CASC3: variants seen among roughly 807,000 people sequenced by gnomAD.
The protein encoded by CASC3 is protein CASC3.
In CASC3, 30 loss-of-function variants were observed where a neutral mutation model predicts 80.5. The observed-to-expected ratio is 0.37, with a 90% CI of 0.28 to 0.51. CASC3 has a LOEUF of 0.51. Among genes scored for constraint, CASC3 ranks in the 20% least tolerant of loss-of-function variants. The probability of loss-of-function intolerance (pLI) is 0.94; values close to 1 mark genes in which losing one functional copy is unlikely to be tolerated. For synonymous variants in CASC3, 312 were observed against 333.6 expected (o/e 0.94, Z 0.70); for missense variants, 824 against 922.2 (o/e 0.89, Z 1.38).
chr17:40,168,607 C>G, intron 11 of CASC3, 190 bp downstream of exon 11: 1 of 595,888 alleles, frequency 1.7e-6, no homozygotes, highest in Non-Finnish European at 2.9e-6. Flanking sequence ...CATCTTTATT[C>G]TTTTCAGTTT....
chr17:40,162,956 T>TA, intron 6 of CASC3, 55 bp downstream of exon 6: 1 of 1,519,512 alleles, frequency 6.6e-7, no homozygotes, highest in Admixed American at 1.7e-5. Flanking sequence ...TACGGTGGCT[T>TA]ACACCTGGAA....
In CASC3 at chr17:40,170,862, G is replaced by GCT; in HGVS notation, c.*465_*466dup. The GCT allele has an allele frequency of 1.0e-6, 1 of 984,686 alleles. No homozygotes were observed. The highest frequency in any genetic ancestry group is 1.2e-6 in the Non-Finnish European group (1 of 829,508). The allele number at this position is 984,686 out of a possible 1,614,324, so 61.0% of individuals were successfully genotyped here. A position where few individuals can be genotyped will look rare whatever the true frequency, so the allele number is the denominator to read the frequency against. ...TTTTTTCTCTTTGTTTCTGTTTCTT[G>GCT]CTCTCTCTCCCTGCCTTTAAATGAA... On this transcript the variant is annotated 3_prime_UTR_variant, in exon 14 of 14. Transcript: ENST00000264645.
rs1989482000 is a variant in CASC3, at chr17:40,167,553, C to T, written c.1592C>T (p.Pro531Leu). 6.2e-7 allele frequency: 1 copy of T among 1,613,954 alleles called. No homozygotes were observed. The highest frequency in any genetic ancestry group is 1.3e-5 in the African/African-American group (1 of 74,894). ...TCATCCCAGCGGCAAAGACCTGTGC[C>T]AGAGCCCCCCGCCCCTCCAGTGCAT... The part of the protein sequence containing the change: ...RYSSQRQRPV[P>L]EPPAPPVHIS... The change falls in exon 9 of 14, where the codon CCA (proline) becomes CTA (leucine). Residue 531 changes from proline to leucine, a missense_variant. Transcript: ENST00000264645.
In CASC3 at chr17:40,140,735, C is replaced by A; in HGVS notation, c.187C>A (p.Arg63=). The A allele has an allele frequency of 7.9e-7, 1 of 1,269,420 alleles. No homozygotes were observed. The highest frequency in any genetic ancestry group is 1.0e-6 in the Non-Finnish European group (1 of 978,770). The allele number at this position is 1,269,420 out of a possible 1,614,324, so 78.6% of individuals were successfully genotyped here. ...CCGAACCGGGGCCCTTCATCTGCGG[C>A]GGGTGGAGAGCGGGGGCGCCAAGAG... ...GGRTGALHLR[R]VESGGAKSAE... is the part of the protein sequence containing the mutation. The change falls in exon 1 of 14, where the codon CGG becomes AGG. Residue 63 remains arginine, a synonymous_variant. Coordinates refer to ENST00000264645, the MANE Select transcript of CASC3 (RefSeq NM_007359.5).
chr17:40,153,607 G>A (rs940900348), intron 3 of CASC3, among the ~76,000 whole-genome samples: 2 of 152,090 alleles, frequency 1.3e-5, no homozygotes, highest in Admixed American at 1.3e-4. Flanking sequence ...ACCATTTTAC[G>A]TGACTAGCAG....
chr17:40,150,927 G>A (rs1165550933), intron 3 of CASC3, among the ~76,000 whole-genome samples: 3 of 151,798 alleles, frequency 2.0e-5, no homozygotes, highest in Non-Finnish European at 4.4e-5. Flanking sequence ...GCAGGAGAAT[G>A]GTGTGAACCC....
intron 7 of CASC3, among the ~76,000 whole-genome samples, chr17:40,164,430 A>AT (rs111608494): frequency 8.0e-4 from 116 of 145,316 alleles, no homozygotes; most frequent in Middle Eastern, 3.5e-3. Flanking sequence ...CGCCCAGCTA[A>AT]TTTTTTTTTT....
At chr17:40,143,113 G>A (rs894232561) in intron 3 of CASC3, among the ~76,000 whole-genome samples, 1 of 150,974 alleles carries the variant, frequency 6.6e-6, no homozygotes, top group Non-Finnish European at 1.5e-5. Context: ...ATAAATAAAA[G>A]AAAGGCTGTA....
intron 3 of CASC3, among the ~76,000 whole-genome samples, chr17:40,148,364 T>A (rs1988911454): frequency 6.7e-6 from 1 of 149,270 alleles, no homozygotes; most frequent in South Asian, 2.1e-4. Context: ...CTTCATCCCT[T>A]CAGACCTTTT....
In CASC3 at chr17:40,156,097, T is replaced by C. The variant is rs563675677; in HGVS notation, c.298-5656T>C. ...TATTTGAATTAAATCAGTACGTGTG[T>C]GTAGGGAGATGGAGAATTAAAGTCA... On this transcript the variant is annotated intron_variant, in intron 3 of 13. Coordinates refer to ENST00000264645, the MANE Select transcript of CASC3 (RefSeq NM_007359.5). 2.0e-5 allele frequency among the ~76,000 whole-genome samples: 3 copies of C among 152,250 alleles called. No homozygotes were observed. In the South Asian group the frequency reaches 6.2e-4, roughly 32 times the overall value.
At chr17:40,168,671 A>G (rs963149453) in intron 11 of CASC3, 8 of 427,798 alleles carry the variant, frequency 1.9e-5, no homozygotes, top group African/African-American at 1.2e-4. Context: ...GTTCACTGTA[A>G]CCTCCACCTC....
Position 40,164,011 on chromosome 17 carries a change from A to C in CASC3, c.1316A>C (p.Glu439Ala), listed in dbSNP as rs1008227118. ...CTGATTCCAGCACCTCCAGTCCCAG[A>C]AACCACCCCAACTCCACCTACTAAG... Reference protein sequence around the residue: ...EGLIPAPPVPETTPTPPTKTG... With the variant: ...EGLIPAPPVPATTPTPPTKTG... Residue 439 changes from glutamate (E) to alanine (A), a missense_variant, in exon 7 of 14, where the codon GAA becomes GCA. Around this residue, in one of 3 missense-constraint regions of CASC3, gnomAD observed 464 missense variants for 506.0 expected, o/e 0.92. Transcript: ENST00000264645. 1.9e-6 allele frequency: 3 copies of C among 1,614,070 alleles called. No individual in the cohort carries two copies. The highest frequency in any genetic ancestry group is 2.5e-6 in the Non-Finnish European group (3 of 1,180,030).
At chr17:40,145,631 G>A (rs1441678418) in intron 3 of CASC3, among the ~76,000 whole-genome samples, 1 of 151,890 alleles carries the variant, frequency 6.6e-6, no homozygotes, top group Non-Finnish European at 1.5e-5. Context: ...TGAGGTGGGA[G>A]GATTGCTTGA....
At chr17:40,167,177 GTCCTGAC>G in intron 8 of CASC3, 1 of 495,528 alleles carries the variant, frequency 2.0e-6, no homozygotes, top group South Asian at 2.7e-5. Flanking sequence ...GGCCAGGCTG[GTCCTGAC>G]TCCTGACCTC....
At chr17:40,155,908 T>A (rs1000085802) in intron 3 of CASC3, among the ~76,000 whole-genome samples, 1 of 152,222 alleles carries the variant, frequency 6.6e-6, no homozygotes. Context: ...TTGACTAATT[T>A]GGAGCCTCCT....
intron 3 of CASC3, among the ~76,000 whole-genome samples, chr17:40,150,775 G>C (rs988007644): frequency 6.6e-6 from 1 of 152,120 alleles, no homozygotes; most frequent in African/African-American, 2.4e-5. Context: ...CACTTTGGGA[G>C]GCTAAGGCAG....
rs1396084246 is a variant in CASC3, at chr17:40,172,169, T to C, written c.*1764T>C. The C allele has an allele frequency of 3.1e-5, 40 of 1,289,610 alleles. No individual in the cohort carries two copies. The highest frequency in any genetic ancestry group is 4.0e-5 in the Non-Finnish European group (40 of 988,724). The allele number at this position is 1,289,610 out of a possible 1,614,324, so 79.9% of individuals were successfully genotyped here. ...AGATAATAAAATTTAGACTATAAACTTGGCTCCCTTGCCAGTGTTTTGCAT... is the reference window on the plus strand; with the variant it reads ...AGATAATAAAATTTAGACTATAAACCTGGCTCCCTTGCCAGTGTTTTGCAT... On this transcript the variant is annotated 3_prime_UTR_variant, in exon 14 of 14. Transcript: ENST00000264645.
At chr17:40,161,032 T>G (rs969381904) in intron 3 of CASC3, among the ~76,000 whole-genome samples, 2 of 152,050 alleles carry the variant, frequency 1.3e-5, no homozygotes, top group African/African-American at 4.8e-5. Context: ...CAGGCTGAAG[T>G]GCAGTGGCGC....
At chr17:40,153,662 G>C (rs1198449864) in intron 3 of CASC3, among the ~76,000 whole-genome samples, 1 of 152,238 alleles carries the variant, frequency 6.6e-6, no homozygotes, top group South Asian at 2.1e-4. Flanking sequence ...AACAGCACTT[G>C]TTGTGTTATT....
Sources: allele counts gnomAD v4.1 joint callset (sites outside exome capture counted in the v4.1 genomes callset), GRCh38; gene constraint gnomAD v4.1.1; regional missense constraint gnomAD v4.1.1; transcripts MANE v1.5; gene names NCBI Gene and HGNC (gene_info 2026-07-23, HGNC 2026-07-21).